Variants in AFG2A observed in about 807,000 individuals in gnomAD.
AFG2A encodes AAA ATPase AFG2A.
At chr4:122,945,049 G>T in the AFG2A span, among the ~76,000 whole-genome samples, 1 of 152,184 alleles carries the variant, frequency 6.6e-6, no homozygotes, top group Non-Finnish European at 1.5e-5. Flanking sequence ...TGCCCCTACT[G>T]GGGGTGCCTC....
chr4:123,269,504 C>G, the AFG2A span, among the ~76,000 whole-genome samples: 133 of 152,302 alleles, frequency 8.7e-4, 1 homozygote, highest in Middle Eastern at 3.4e-3. Flanking sequence ...ACTAAAAGTC[C>G]ATCTTGACAA....
chr4:123,154,626 G>A, the AFG2A span, among the ~76,000 whole-genome samples: 1 of 152,144 alleles, frequency 6.6e-6, no homozygotes, highest in South Asian at 2.1e-4. Context: ...ACCAATCCTA[G>A]CTTTGTCAGT....
chr4:123,057,689 T>C, the AFG2A span, among the ~76,000 whole-genome samples: 2 of 152,116 alleles, frequency 1.3e-5, no homozygotes, highest in African/African-American at 4.8e-5. Flanking sequence ...ATTTTAAAAT[T>C]CTCTGGAATA....
At chr4:123,312,107 C>T in the AFG2A span, among the ~76,000 whole-genome samples, 1 of 152,248 alleles carries the variant, frequency 6.6e-6, no homozygotes, top group Non-Finnish European at 1.5e-5. Flanking sequence ...AGACTTTACA[C>T]ATACCCCTAT....
chr4:123,018,895 A>G, the AFG2A span, among the ~76,000 whole-genome samples: 1 of 151,822 alleles, frequency 6.6e-6, no homozygotes, highest in Admixed American at 6.6e-5. Context: ...AATTATTATC[A>G]TAGCCATAGA....
chr4:123,168,494 G>A, the AFG2A span, among the ~76,000 whole-genome samples: 1 of 151,978 alleles, frequency 6.6e-6, no homozygotes, highest in Non-Finnish European at 1.5e-5. Flanking sequence ...ATTTCTCCTA[G>A]TAAAAATGGG....
the AFG2A span, among the ~76,000 whole-genome samples, chr4:123,160,699 C>G: frequency 3.3e-5 from 5 of 152,134 alleles, no homozygotes; most frequent in South Asian, 2.1e-4. Flanking sequence ...GCAGTTACCT[C>G]TTTCTTTTTC....
the AFG2A span, among the ~76,000 whole-genome samples, chr4:123,226,777 A>C: frequency 6.6e-6 from 1 of 152,180 alleles, no homozygotes; most frequent in East Asian, 1.9e-4. Flanking sequence ...ATAGTTTCAG[A>C]AGGAATGGTA....
At chr4:122,942,056 T>C in the AFG2A span, among the ~76,000 whole-genome samples, 1 of 152,068 alleles carries the variant, frequency 6.6e-6, no homozygotes, top group African/African-American at 2.4e-5. Context: ...TGAGGATTTT[T>C]GCATCAATGT....
the AFG2A span, among the ~76,000 whole-genome samples, chr4:123,018,800 AT>A: frequency 0.058 from 8,099 of 140,656 alleles, 486 homozygotes; most frequent in African/African-American, 0.16. Flanking sequence ...CGCCCAGCTA[AT>A]TTTTTTTTTT....
the AFG2A span, among the ~76,000 whole-genome samples, chr4:123,155,046 G>A: frequency 1.3e-5 from 2 of 151,662 alleles, no homozygotes; most frequent in African/African-American, 4.8e-5. Context: ...TCTCTTGAAT[G>A]TTTCTTTCCT....
At chr4:123,315,308 C>T in the AFG2A span, 1 of 152,522 alleles carries the variant, frequency 6.6e-6, no homozygotes, top group Admixed American at 6.6e-5. Flanking sequence ...CCGCCTCAGC[C>T]TCCTGAGTAG....
chr4:123,026,201 C>T, the AFG2A span, among the ~76,000 whole-genome samples: 2 of 151,942 alleles, frequency 1.3e-5, no homozygotes, highest in South Asian at 4.2e-4. Context: ...AGAGGGTTGG[C>T]TGTGAGCCTC....
the AFG2A span, among the ~76,000 whole-genome samples, chr4:122,986,279 C>T: frequency 6.6e-6 from 1 of 152,094 alleles, no homozygotes; most frequent in African/African-American, 2.4e-5. Context: ...CTGTGTATAT[C>T]AGTTAAGTCC....
the AFG2A span, among the ~76,000 whole-genome samples, chr4:123,161,854 TGTATAAAGA>T: frequency 6.6e-6 from 1 of 152,124 alleles, no homozygotes; most frequent in African/African-American, 2.4e-5. Flanking sequence ...GATATTGTAA[TGTATAAAGA>T]AAAGTGTCTC....
At chr4:123,035,085 G>A in the AFG2A span, among the ~76,000 whole-genome samples, 1 of 152,286 alleles carries the variant, frequency 6.6e-6, no homozygotes, top group African/African-American at 2.4e-5. Context: ...CCCTGAACTT[G>A]CCTGTTTCAC....
chr4:123,247,428 T>G, the AFG2A span, among the ~76,000 whole-genome samples: 1 of 152,094 alleles, frequency 6.6e-6, no homozygotes, highest in South Asian at 2.1e-4. Flanking sequence ...TTAAGGGTAA[T>G]TGATCTTTTG....
At chr4:123,043,845 T>C in the AFG2A span, among the ~76,000 whole-genome samples, 5 of 152,202 alleles carry the variant, frequency 3.3e-5, no homozygotes, top group Non-Finnish European at 7.3e-5. Context: ...TTCCTGGGCA[T>C]TTTTGTGCTA....
the AFG2A span, among the ~76,000 whole-genome samples, chr4:123,119,456 T>C: frequency 2.0e-5 from 3 of 151,934 alleles, no homozygotes; most frequent in African/African-American, 7.3e-5. Context: ...GGCTGAAGAG[T>C]CTAGGAAGTG....
Sources: allele counts gnomAD v4.1 joint callset (sites outside exome capture counted in the v4.1 genomes callset), GRCh38; gene constraint gnomAD v4.1.1; transcripts MANE v1.5; gene names NCBI Gene and HGNC (gene_info 2026-07-23, HGNC 2026-07-21).